Variants in NUMB observed in about 807,000 individuals in gnomAD.
NUMB encodes the protein protein numb homolog.
A neutral mutation model predicts 59.7 loss-of-function variants in NUMB; 29 were observed. That is an observed-to-expected ratio of 0.49 (90% CI 0.36 to 0.66). The LOEUF is 0.66. Ranked by LOEUF, NUMB falls within the 30% of genes least tolerant of loss-of-function variation. The probability of loss-of-function intolerance (pLI) is 0.00; values close to 1 mark genes in which losing one functional copy is unlikely to be tolerated. For missense variants in NUMB, 723 were observed against 822.0 expected, an observed-to-expected ratio of 0.88 and a Z score of 1.47; for synonymous variants, 288 against 288.2, an observed-to-expected ratio of 1.00 and a Z score of 0.01.
intron 8 of NUMB, among the ~76,000 whole-genome samples, chr14:73,291,282 T>C (rs1219106899): frequency 6.6e-6 from 1 of 152,128 alleles, no homozygotes; most frequent in Non-Finnish European, 1.5e-5. Context: ...GGTTTCATCA[T>C]GTTGGCCAGG....
intron 1 of NUMB, among the ~76,000 whole-genome samples, chr14:73,426,930 C>T (rs1251042172): frequency 2.0e-5 from 3 of 152,100 alleles, no homozygotes; most frequent in Admixed American, 1.3e-4. Context: ...TGGAGGATCA[C>T]TTGAGTCTGG....
rs113556189 is a variant in NUMB at position 73,337,566 on chromosome 14, A to G, written c.127-14362T>C. The stretch of plus-strand genomic sequence containing the variant: ...GAGGGGAACTTGCTTAATTTGAGAA[A>G]CTGTGATAAGACTGAAAATGAGGCA... On this transcript the variant is annotated intron_variant, in intron 4 of 12. Coordinates refer to ENST00000555238, the MANE Select transcript of NUMB (RefSeq NM_001005743.2). 4.6e-3 allele frequency among the ~76,000 whole-genome samples: 694 copies of G among 152,316 alleles called. 4 individuals are homozygous for G. Among genetic ancestry groups the G allele is most frequent in the African/African-American group, 0.016 (672 of 41,554 alleles).
rs1348589682 is a variant in NUMB, at chr14:73,276,399, CTTT to C, written c.*176_*178del. The C allele has an allele frequency of 3.5e-6, 2 of 566,950 alleles. No individual in the cohort carries two copies. The highest frequency in any genetic ancestry group is 2.6e-5 in the South Asian group (1 of 38,096). The allele number at this position is 566,950 out of a possible 1,614,324, so 35.1% of individuals were successfully genotyped here. A position where few individuals can be genotyped will look rare whatever the true frequency, so the allele number is the denominator to read the frequency against. On this transcript the variant is annotated 3_prime_UTR_variant, in exon 13 of 13. Transcript: ENST00000555238. Reference sequence around the variant, plus strand: ...GCAAGGCAGCTTTTCTCTAGGAATGCTTTTTCCCATGTCTTTCAAAATCACCCC... The same window carrying C: ...GCAAGGCAGCTTTTCTCTAGGAATGCTTCCCATGTCTTTCAAAATCACCCC...
intron 5 of NUMB, among the ~76,000 whole-genome samples, chr14:73,321,925 T>C (rs1163419671): frequency 6.6e-6 from 1 of 152,206 alleles, no homozygotes; most frequent in African/African-American, 2.4e-5. Flanking sequence ...ATTCAGGTAT[T>C]TATCCCAAAA....
At chr14:73,283,296 T>C (rs1323989538) in intron 10 of NUMB, among the ~76,000 whole-genome samples, 1 of 152,246 alleles carries the variant, frequency 6.6e-6, no homozygotes, top group Non-Finnish European at 1.5e-5. Context: ...TCTTTAGGCC[T>C]AGTTTCATCT....
chr14:73,446,322 C>T (rs1319235005), intron 1 of NUMB, among the ~76,000 whole-genome samples: 1 of 151,860 alleles, frequency 6.6e-6, no homozygotes, highest in Non-Finnish European at 1.5e-5. Flanking sequence ...AAAAAAAAAT[C>T]CTAAACTGGG....
At chr14:73,451,067 T>C (rs975758234) in intron 1 of NUMB, among the ~76,000 whole-genome samples, 29 of 147,232 alleles carry the variant, frequency 2.0e-4, no homozygotes, top group African/African-American at 7.1e-4. Flanking sequence ...GGCAGGAGAA[T>C]TGCTTGAACC....
chr14:73,308,980 G>C (rs1219973908), intron 6 of NUMB, among the ~76,000 whole-genome samples: 2 of 152,192 alleles, frequency 1.3e-5, no homozygotes, highest in Admixed American at 6.5e-5. Flanking sequence ...AAGGAACTGA[G>C]GGTACCAAGA....
At chr14:73,387,771 C>T (rs1260783502) in intron 2 of NUMB, among the ~76,000 whole-genome samples, 1 of 146,788 alleles carries the variant, frequency 6.8e-6, no homozygotes, top group Non-Finnish European at 1.5e-5. Context: ...AAAAAAAAAA[C>T]CAAAAAGGCC....
At chr14:73,430,537 G>A (rs1333244016) in intron 1 of NUMB, among the ~76,000 whole-genome samples, 3 of 152,100 alleles carry the variant, frequency 2.0e-5, no homozygotes, top group African/African-American at 7.2e-5. Context: ...AGGAGGCTGA[G>A]GTGGAAGGAT....
intron 1 of NUMB, among the ~76,000 whole-genome samples, chr14:73,446,072 C>A (rs1337979910): frequency 6.6e-6 from 1 of 151,058 alleles, no homozygotes; most frequent in Non-Finnish European, 1.5e-5. Flanking sequence ...TCTCAGCCTA[C>A]TGCAACCTCC....
At chr14:73,299,579 C>CATAT (rs34425442) in intron 6 of NUMB, among the ~76,000 whole-genome samples, 71,681 of 139,132 alleles carry the variant, frequency 0.52, 17,635 homozygotes, top group East Asian at 0.71. Context: ...TATGACATGA[C>CATAT]ATATGTCATG....
chr14:73,303,888 T>A (rs143610217), intron 6 of NUMB, among the ~76,000 whole-genome samples: 1 of 152,194 alleles, frequency 6.6e-6, no homozygotes, highest in African/African-American at 2.4e-5. Flanking sequence ...TAACCAAAAG[T>A]GAAAAATGAA....
At chr14:73,436,495 T>C (rs1236651648) in intron 1 of NUMB, among the ~76,000 whole-genome samples, 1 of 152,050 alleles carries the variant, frequency 6.6e-6, no homozygotes, top group Non-Finnish European at 1.5e-5. Context: ...AATTTTTGTA[T>C]TTTTAGTAAA....
intron 4 of NUMB, among the ~76,000 whole-genome samples, chr14:73,354,510 C>CAAA (rs780721035): frequency 1.3e-5 from 1 of 78,070 alleles, no homozygotes; most frequent in Non-Finnish European, 2.7e-5. Context: ...GACTCCATCT[C>CAAA]AAAAAAAAAA....
chr14:73,318,713 A>C lies in NUMB; in HGVS notation c.202-2291T>G, dbSNP rs17781974. On this transcript the variant is annotated intron_variant, in intron 5 of 12. Coordinates refer to ENST00000555238, the MANE Select transcript of NUMB (RefSeq NM_001005743.2). ...TAGAAGCTAAGTCCCAAAGTAGCTA[A>C]TCAGTGAGGTTATATGACAAAGTAA... is the stretch of plus-strand genomic sequence containing the variant. 9.7e-3 allele frequency among the ~76,000 whole-genome samples: 1,472 copies of C among 152,354 alleles called. 16 individuals are homozygous for C. The highest frequency in any genetic ancestry group is 0.017 in the Non-Finnish European group (1,190 of 68,026).
chr14:73,326,931 G>GTCTTCCC (rs1891692442), intron 4 of NUMB, among the ~76,000 whole-genome samples: 1 of 152,120 alleles, frequency 6.6e-6, no homozygotes, highest in African/African-American at 2.4e-5. Context: ...CATACACACA[G>GTCTTCCC]CTAGTCAGGG....
At chr14:73,314,500 G>C (rs1401367896) in intron 6 of NUMB, among the ~76,000 whole-genome samples, 3 of 152,120 alleles carry the variant, frequency 2.0e-5, no homozygotes, top group Non-Finnish European at 4.4e-5. Flanking sequence ...CTCAGCTACA[G>C]TGTAGGTGCA....
chr14:73,395,049 G>A (rs1007077416), intron 2 of NUMB, among the ~76,000 whole-genome samples: 90 of 121,762 alleles, frequency 7.4e-4, no homozygotes, highest in Middle Eastern at 7.5e-3. Flanking sequence ...GTGTGTGTGT[G>A]TGTGTGTGTG....
Sources: gnomAD v4.1 joint callset for allele counts (sites outside exome capture counted in the v4.1 genomes callset) on GRCh38, gnomAD v4.1.1 for gene constraint, MANE v1.5 for transcripts, NCBI Gene and HGNC (gene_info 2026-07-23, HGNC 2026-07-21) for gene names.